Variants in NCKAP1L observed in about 807,000 individuals in gnomAD.
The protein encoded by NCKAP1L is nck-associated protein 1-like.
NCKAP1L carries 53 observed loss-of-function variants against 139.2 expected under a neutral mutation model. That is an observed-to-expected ratio of 0.38 (90% confidence interval 0.31 to 0.48). The LOEUF is 0.48. Among genes scored for constraint, NCKAP1L ranks in the 20% least tolerant of loss-of-function variants. NCKAP1L has a pLI of 0.98. For synonymous variants in NCKAP1L, 468 were observed against 499.7 expected, an observed-to-expected ratio of 0.94 and a Z score of 0.85; for missense variants, 1,151 against 1,381.9, an observed-to-expected ratio of 0.83 and a Z score of 2.65.
At chr12:54,510,221 A>G in intron 7 of NCKAP1L, 1 of 570,350 alleles carries the variant, frequency 1.8e-6, no homozygotes, top group Non-Finnish European at 3.1e-6. Flanking sequence ...TAGCCTGTCC[A>G]TAGAAGGAAT....
intron 13 of NCKAP1L, 105 bp from the exon 14 acceptor site, chr12:54,518,546 C>T (rs754721217): frequency 2.2e-6 from 2 of 905,204 alleles, no homozygotes; most frequent in Non-Finnish European, 3.7e-6. Flanking sequence ...GTTTTTAACA[C>T]TTAGCAATTC....
intron 5 of NCKAP1L, among the ~76,000 whole-genome samples, chr12:54,509,177 G>A (rs543644781): frequency 6.6e-5 from 10 of 152,144 alleles, no homozygotes; most frequent in Non-Finnish European, 1.5e-4. Context: ...CTCCATTAGT[G>A]CAAATGTAAG....
chr12:54,513,638 A>G (rs1392869180), intron 9 of NCKAP1L, among the ~76,000 whole-genome samples: 4 of 152,216 alleles, frequency 2.6e-5, no homozygotes, highest in African/African-American at 9.7e-5. Context: ...AAATAAAATA[A>G]GAATTGAAAA....
intron 1 of NCKAP1L, among the ~76,000 whole-genome samples, chr12:54,498,248 A>AC (rs1378943106): frequency 6.6e-6 from 1 of 152,096 alleles, no homozygotes; most frequent in Non-Finnish European, 1.5e-5. Flanking sequence ...TTGATCCTCT[A>AC]CACTCTGAAG....
In NCKAP1L at chr12:54,526,782, T is replaced by C. The variant is rs12369172; in HGVS notation, c.2375+36T>C. 0.29 allele frequency: 458,254 copies of C among 1,572,894 alleles called. 72,767 individuals carry two copies. The highest frequency in any genetic ancestry group is 0.55 in the African/African-American group (40,510 of 74,062). On this transcript the variant is annotated intron_variant, in intron 21 of 30. Transcript: ENST00000293373. ...CTTAGGCTTTTCCACTGCCTTACTT[T>C]GTGTTGGCACTTTTTCCTTTACACG... is the stretch of plus-strand genomic sequence containing the variant.
rs1405145349 is a variant in NCKAP1L, at chr12:54,506,793, AAAAAT to A, written c.307-1058_307-1054del. Among the ~76,000 whole-genome samples the A allele has an allele frequency of 1.6e-4, 13 of 80,604 alleles. 1 individual carries two copies. Among genetic ancestry groups the A allele is most frequent in the Middle Eastern group, 5.6e-3 (1 of 178 alleles). 52.9% of individuals were successfully genotyped at this position (80,604 alleles called of 152,430 possible). On this transcript the variant is annotated intron_variant, in intron 3 of 30. Transcript: ENST00000293373. ...ATCTTTTGGCAACATATTAAAAAAA[AAAAAT>A]ATATATATATATATATATATATATA... is the stretch of plus-strand genomic sequence containing the variant.
intron 27 of NCKAP1L, 81 bp from the exon 28 acceptor site, chr12:54,536,048 T>A: frequency 1.0e-6 from 1 of 971,558 alleles, no homozygotes; most frequent in Non-Finnish European, 1.6e-6. Context: ...AGCAATTCTG[T>A]GAAGTAGGAC....
chr12:54,530,299 A>C (rs1310407418), intron 22 of NCKAP1L, among the ~76,000 whole-genome samples: 1 of 152,258 alleles, frequency 6.6e-6, no homozygotes, highest in Admixed American at 6.5e-5. Flanking sequence ...GCCAGAGATC[A>C]TAGCTAGAGC....
At chr12:54,523,332 C>T in intron 18 of NCKAP1L, 62 bp from the exon 19 acceptor site, 2 of 1,552,564 alleles carry the variant, frequency 1.3e-6, no homozygotes, top group East Asian at 2.3e-5. Context: ...CTTTTTATAA[C>T]TGTCAGGTGC....
intron 7 of NCKAP1L, among the ~76,000 whole-genome samples, chr12:54,511,508 A>G (rs1956889870): frequency 6.6e-6 from 1 of 152,228 alleles, no homozygotes. Context: ...TTGGGTTCAA[A>G]AGATCCTCCT....
At chr12:54,510,382 G>A in intron 7 of NCKAP1L, 1 of 427,460 alleles carries the variant, frequency 2.3e-6, no homozygotes, top group Non-Finnish European at 4.6e-6. Flanking sequence ...GGAGTACACT[G>A]GCATGATCAC....
In NCKAP1L at chr12:54,500,625, G is replaced by A; in HGVS notation, c.306G>A (p.Arg102=). The A allele has an allele frequency of 6.2e-7, 1 of 1,600,080 alleles. No individual in the cohort carries two copies. The highest frequency in any genetic ancestry group is 8.6e-7 in the Non-Finnish European group (1 of 1,167,614). The change falls in exon 3 of 31, where the codon CGG becomes CGA. Residue 102 remains arginine (R), a splice_region_variant and synonymous_variant. Transcript: ENST00000293373. The stretch of plus-strand genomic sequence containing the variant: ...CATTTGTGGATGTCATGGAATTTCG[G>A]GTGAGCTCTCTTGAGCCGTTTCCAA... ...YQSFVDVMEF[R]DHVYELLNTI...
chr12:54,516,930 C>A lies in NCKAP1L; in HGVS notation c.1033C>A (p.Arg345=), dbSNP rs756444750. 10 of 1,611,996 alleles carry A rather than the reference C, an allele frequency of 6.2e-6. No homozygotes were observed. The highest frequency in any genetic ancestry group is 6.8e-6 in the Non-Finnish European group (8 of 1,178,776). Residue 345 remains arginine, a synonymous_variant, in exon 11 of 31, where the codon CGG becomes AGG. Transcript: ENST00000293373. The stretch of plus-strand genomic sequence containing the variant: ...TCATTGTCAACGGCGGCAATTTCTG[C>A]GGATGGCAGTGAAGGAGCTGGAGAC... ...QFHCQRRQFL[R]MAVKELETVL...
Position 54,509,695 on chromosome 12 carries a change from A to T in NCKAP1L, c.533A>T (p.Gln178Leu). ...HGDPSFARLG[Q>L]MVLEYDHPLK... is the part of the protein sequence containing the mutation. The stretch of plus-strand genomic sequence containing the variant: ...GACCCCAGTTTTGCCCGTCTGGGTC[A>T]GATGGTCTTGGAGTATGACCACCCT... Residue 178 changes from glutamine to leucine, a missense_variant, in exon 6 of 31, where the codon CAG becomes CTG. Transcript: ENST00000293373. 6.2e-7 allele frequency: 1 copy of T among 1,614,204 alleles called. No homozygotes were observed.
At chr12:54,502,116 T>C (rs542647950) in intron 3 of NCKAP1L, among the ~76,000 whole-genome samples, 1 of 152,250 alleles carries the variant, frequency 6.6e-6, no homozygotes, top group Non-Finnish European at 1.5e-5. Context: ...GAGTTCTCTA[T>C]ACAGGTTGAG....
Position 54,516,241 on chromosome 12 carries a change from A to G in NCKAP1L, c.944A>G (p.Tyr315Cys). The G allele has an allele frequency of 1.2e-6, 2 of 1,613,958 alleles. No individual in the cohort carries two copies. Among genetic ancestry groups the G allele is most frequent in the Non-Finnish European group, 1.7e-6 (2 of 1,179,936 alleles). Reference protein sequence around the residue: ...TEDLFSSLKGYGKRVADIKES... With the variant: ...TEDLFSSLKGCGKRVADIKES... ...ATTGTGCTTGTGTCAATCCTCAGGT[A>G]TGGCAAGAGAGTGGCAGACATAAAG... Residue 315 changes from tyrosine to cysteine, a missense_variant and splice_region_variant, in exon 10 of 31, where the codon TAT (tyrosine) becomes TGT (cysteine). By Grantham distance (194) the Tyr-to-Cys change is radical. Transcript: ENST00000293373.
In NCKAP1L at chr12:54,523,566, G is replaced by T. The variant is rs756564843; in HGVS notation, c.2024+27G>T. 4.4e-6 allele frequency: 7 copies of T among 1,594,724 alleles called. No individual in the cohort carries two copies. The African/African-American group carries it at 5.4e-5, about 12-fold the overall frequency. On this transcript the variant is annotated intron_variant, in intron 19 of 30. Coordinates refer to ENST00000293373, the MANE Select transcript of NCKAP1L (RefSeq NM_005337.5). ...TGAGGACCTGGGCCCTAGATGGCCA[G>T]CTGGGTACTGCATCAAAGAAGGCAG...
chr12:54,530,582 G>C (rs893325373), intron 22 of NCKAP1L, among the ~76,000 whole-genome samples: 1 of 152,216 alleles, frequency 6.6e-6, no homozygotes, highest in African/African-American at 2.4e-5. Context: ...ATAAACATCA[G>C]ATCTTAGATG....
rs983528816 is a variant in NCKAP1L at position 54,543,411 on chromosome 12, C to T, written c.*726C>T. The T allele has an allele frequency of 2.0e-5, 3 of 152,210 alleles. No individual in the cohort carries two copies. The highest frequency in any genetic ancestry group is 7.2e-5 in the African/African-American group (3 of 41,456). The allele number at this position is 152,210 out of a possible 1,614,324, so 9.4% of individuals were successfully genotyped here. ...TTTAACCCCTCCTGCTTTGATATCTCCACAACCCAGAGCAGAGGGTCAGTT... is the reference window on the plus strand; with the variant it reads ...TTTAACCCCTCCTGCTTTGATATCTTCACAACCCAGAGCAGAGGGTCAGTT... On this transcript the variant is annotated 3_prime_UTR_variant, in exon 31 of 31. Transcript: ENST00000293373.
Sources: gnomAD v4.1 joint callset for allele counts (sites outside exome capture counted in the v4.1 genomes callset) on GRCh38, gnomAD v4.1.1 for gene constraint, MANE v1.5 for transcripts, NCBI Gene and HGNC (gene_info 2026-07-23, HGNC 2026-07-21) for gene names.